Variants in MCFD2 observed in about 807,000 individuals in gnomAD.
The protein encoded by MCFD2 is multiple coagulation factor deficiency 2, ER cargo receptor complex subunit, also known as multiple coagulation factor deficiency protein 2.
A neutral mutation model predicts 12.8 loss-of-function variants in MCFD2; 11 were observed. The ratio of observed to expected loss-of-function variants is 0.86; its 90% CI spans 0.54 to 1.42. MCFD2 has a LOEUF of 1.42. MCFD2 is among the 40% of genes most tolerant of loss of function. MCFD2 has a pLI of 0.00. For missense variants in MCFD2, 191 were observed against 178.6 expected, an observed-to-expected ratio of 1.07 and a Z score of -0.40; for synonymous variants, 70 against 68.1, an observed-to-expected ratio of 1.03 and a Z score of -0.14.
At chr2:46,920,501 T>G (rs1168278416), upstream of MCFD2, among the ~76,000 whole-genome samples, 1 of 152,038 alleles carries the variant, frequency 6.6e-6, no homozygotes, top group East Asian at 1.9e-4. Context: ...AGCTAATTTT[T>G]TGTATTTTTA....
chr2:46,928,111 C>CT (rs1558477599), intron 1 of MCFD2, among the ~76,000 whole-genome samples: 1 of 151,498 alleles, frequency 6.6e-6, no homozygotes, highest in African/African-American at 2.4e-5. Context: ...AGGCTGGTCT[C>CT]TAACTCCTCG....
chr2:46,905,899 G>C (rs962453832), intron 3 of MCFD2: 2 of 507,334 alleles, frequency 3.9e-6, no homozygotes, highest in Non-Finnish European at 8.0e-6. Context: ...ATAGGCTTTT[G>C]CTTATTTGTT....
At chr2:46,927,379 T>C (rs1182663975) in intron 1 of MCFD2, among the ~76,000 whole-genome samples, 1 of 146,278 alleles carries the variant, frequency 6.8e-6, no homozygotes, top group African/African-American at 2.6e-5. Flanking sequence ...TTTTTTGAGA[T>C]GGAGTCTCGT....
intron 1 of MCFD2, among the ~76,000 whole-genome samples, chr2:46,930,444 A>AG (rs1166866257): frequency 6.6e-6 from 1 of 151,232 alleles, no homozygotes; most frequent in East Asian, 1.9e-4. Context: ...GGAAAAAAAA[A>AG]AAAAACTTAC....
intron 1 of MCFD2, among the ~76,000 whole-genome samples, chr2:46,922,875 T>G (rs192470009): frequency 6.6e-6 from 1 of 152,288 alleles, no homozygotes; most frequent in Non-Finnish European, 1.5e-5. Flanking sequence ...GGGTTCAGTT[T>G]TACAAAACAG....
Position 46,923,988 on chromosome 2 carries a change from G to C in MCFD2, c.-7-16019C>G, listed in dbSNP as rs1669251524. ...TGACCTCAGGTGATCCACCCGCCTCGGCCTCCCAAAGTGCTGGGATTACAG... is the reference window on the plus strand; with the variant it reads ...TGACCTCAGGTGATCCACCCGCCTCCGCCTCCCAAAGTGCTGGGATTACAG... On this transcript the variant is annotated intron_variant, in intron 1 of 2. Coordinates refer to the MCFD2 transcript ENST00000409147. Among the ~76,000 whole-genome samples, 3 of 151,822 alleles carry C rather than the reference G, an allele frequency of 2.0e-5. No individual in the cohort carries two copies. The South Asian group carries it at 6.2e-4, about 32-fold the overall frequency.
intron 1 of MCFD2, among the ~76,000 whole-genome samples, chr2:46,921,285 A>G (rs1379562327): frequency 1.3e-5 from 2 of 152,258 alleles, no homozygotes; most frequent in Non-Finnish European, 2.9e-5. Flanking sequence ...TAACGTAGAA[A>G]AAAGCTACTA....
chr2:46,934,796 T>C, intron 1 of MCFD2, among the ~76,000 whole-genome samples: 1 of 112,830 alleles, frequency 8.9e-6, no homozygotes, highest in African/African-American at 3.6e-5. Flanking sequence ...TCTTTTTTTT[T>C]TTTTTTTTTT....
At chr2:46,910,348 A>G (rs2103752962) in intron 1 of MCFD2, among the ~76,000 whole-genome samples, 2 of 152,332 alleles carry the variant, frequency 1.3e-5, no homozygotes, top group South Asian at 4.1e-4. Context: ...CAGGTGACCT[A>G]CATACAAAAA....
Position 46,907,624 on chromosome 2 carries a change from C to T in MCFD2, c.309+186G>A. The stretch of plus-strand genomic sequence containing the variant: ...TATTGCCAAGGCTGGTCTTGAACTC[C>T]TGGCTCAAGTGATCCTTCCACTTTG... On this transcript the variant is annotated intron_variant, in intron 3 of 3. Coordinates refer to ENST00000319466, the MANE Select transcript of MCFD2 (RefSeq NM_139279.6). This position sits in a 1 kb window ranked among gnomAD's most constrained non-coding sequence, Gnocchi z 4.1. 3.0e-6 allele frequency: 2 copies of T among 658,828 alleles called. No individual in the cohort carries two copies. The highest frequency in any genetic ancestry group is 3.4e-5 in the South Asian group (2 of 58,478). 40.8% of individuals were successfully genotyped at this position (658,828 alleles called of 1,614,324 possible).
At chr2:46,914,924 G>A (rs1668646473) in intron 1 of MCFD2, among the ~76,000 whole-genome samples, 1 of 152,200 alleles carries the variant, frequency 6.6e-6, no homozygotes, top group Non-Finnish European at 1.5e-5. Context: ...AGGAAGACAG[G>A]TCATGAAGGG....
chr2:46,910,372 C>T (rs949131011), intron 1 of MCFD2, among the ~76,000 whole-genome samples: 6 of 152,206 alleles, frequency 3.9e-5, no homozygotes, highest in African/African-American at 9.6e-5. Context: ...AAGACCTGAC[C>T]GAACACTCAC....
At chr2:46,912,935 G>T (rs1668542882) in intron 1 of MCFD2, among the ~76,000 whole-genome samples, 1 of 152,104 alleles carries the variant, frequency 6.6e-6, no homozygotes, top group South Asian at 2.1e-4. Context: ...TTCTTTTGGA[G>T]ATATCTATCA....
At chr2:46,936,319 G>C (rs1669977814) in intron 1 of MCFD2, among the ~76,000 whole-genome samples, 1 of 152,170 alleles carries the variant, frequency 6.6e-6, no homozygotes, top group African/African-American at 2.4e-5. Context: ...TAGAGAAGAA[G>C]ATAGGTGTAG....
upstream of MCFD2, among the ~76,000 whole-genome samples, chr2:46,918,874 C>G (rs1668954239): frequency 6.6e-6 from 1 of 152,220 alleles, no homozygotes; most frequent in Non-Finnish European, 1.5e-5. Context: ...AAAGTAACGA[C>G]TAGGTAAGAG....
rs1294709257 is a variant in MCFD2 at position 46,903,510 on chromosome 2, G to A, written c.*1953C>T. ...GTTTGGAACTTCCTACAGACTTGTT[G>A]AATGGCTTTGCCCCAAATGCTGATA... On this transcript the variant is annotated 3_prime_UTR_variant, in exon 4 of 4. Transcript: ENST00000319466. 3.3e-5 allele frequency: 5 copies of A among 152,450 alleles called. No individual in the cohort carries two copies. Among genetic ancestry groups the A allele is most frequent in the African/African-American group, 1.2e-4 (5 of 41,586 alleles). 9.4% of individuals were successfully genotyped at this position (152,450 alleles called of 1,614,324 possible). A position where few individuals can be genotyped will look rare whatever the true frequency, so the allele number is the denominator to read the frequency against.
Position 46,907,850 on chromosome 2 carries a change from C to G in MCFD2, c.269G>C (p.Gly90Ala), listed in dbSNP as rs994703366. 2 of 1,614,056 alleles carry G rather than the reference C, an allele frequency of 1.2e-6. No homozygotes were observed. Among genetic ancestry groups the G allele is most frequent in the Non-Finnish European group, 1.7e-6 (2 of 1,180,060 alleles). The change falls in exon 3 of 4, where the codon GGC becomes GCC. Residue 90 changes from glycine (G) to alanine (A), a missense_variant. Physicochemically the swap from Gly to Ala is moderately conservative, Grantham distance 60. Transcript: ENST00000319466. The surrounding 1 kb of genome is among the most constrained non-coding windows in gnomAD (Gnocchi z 4.1). Reference sequence around the variant, plus strand: ...AGTGATGGCTGTGGAGAGTTCTAAGCCATCAAGCAAATTATTGCCATCATA... The same window carrying G: ...AGTGATGGCTGTGGAGAGTTCTAAGGCATCAAGCAAATTATTGCCATCATA... ...HDYDGNNLLD[G>A]LELSTAITHV... is the part of the protein sequence containing the mutation.
chr2:46,932,550 T>A (rs1478457932), intron 1 of MCFD2, among the ~76,000 whole-genome samples: 2 of 151,942 alleles, frequency 1.3e-5, no homozygotes, highest in Non-Finnish European at 2.9e-5. Flanking sequence ...CAACAAAAAA[T>A]GTTTTTAAAA....
At chr2:46,916,282 C>A (rs1668784804), upstream of MCFD2, 1 of 644,356 alleles carries the variant, frequency 1.6e-6, no homozygotes. Context: ...GGCCTTGGAC[C>A]CTACGTTTCA....
Sources: allele counts gnomAD v4.1 joint callset (sites outside exome capture counted in the v4.1 genomes callset), GRCh38; gene constraint gnomAD v4.1.1; non-coding constraint Gnocchi (gnomAD v3.1); transcripts MANE v1.5; gene names NCBI Gene and HGNC (gene_info 2026-07-23, HGNC 2026-07-21).